ENOX1: variants seen among roughly 807,000 people sequenced by gnomAD.
ENOX1 encodes candidate growth-related and time keeping constitutive hydroquinone (NADH) oxidase.
ENOX1 carries 42 observed loss-of-function variants against 82.5 expected under a neutral mutation model. The observed-to-expected ratio is 0.51, with a 90% CI of 0.40 to 0.66. ENOX1 has a LOEUF of 0.66. ENOX1 is among the 30% of genes least tolerant of loss of function. The probability of loss-of-function intolerance (pLI) is 0.00; values close to 1 mark genes in which losing one functional copy is unlikely to be tolerated. For missense variants in ENOX1, 608 were observed against 811.6 expected, an observed-to-expected ratio of 0.75 and a Z score of 3.05; for synonymous variants, 271 against 282.2, an observed-to-expected ratio of 0.96 and a Z score of 0.40.
chr13:43,414,038 A>T (rs545220468), intron 3 of ENOX1, among the ~76,000 whole-genome samples: 1 of 152,282 alleles, frequency 6.6e-6, no homozygotes, highest in Non-Finnish European at 1.5e-5. Context: ...ATGATTTTAG[A>T]ATTAGATCTT....
chr13:43,347,112 T>C (rs1229120404), intron 8 of ENOX1, among the ~76,000 whole-genome samples: 1 of 152,118 alleles, frequency 6.6e-6, no homozygotes, highest in Non-Finnish European at 1.5e-5. Context: ...CTAACTTTAC[T>C]ATCAGGAAAA....
chr13:43,535,863 G>A (rs1305241322), intron 2 of ENOX1, among the ~76,000 whole-genome samples: 1 of 152,106 alleles, frequency 6.6e-6, no homozygotes, highest in Admixed American at 6.5e-5. Flanking sequence ...TTCTGTGCAG[G>A]AAAGTTTTAA....
chr13:43,317,038 G>A (rs1206222591), intron 11 of ENOX1, among the ~76,000 whole-genome samples: 1 of 152,186 alleles, frequency 6.6e-6, no homozygotes, highest in Non-Finnish European at 1.5e-5. Flanking sequence ...GGTGCCCTCG[G>A]CTGTCATTAC....
At chr13:43,402,522 A>G (rs545850938) in intron 5 of ENOX1, among the ~76,000 whole-genome samples, 1 of 152,376 alleles carries the variant, frequency 6.6e-6, no homozygotes, top group South Asian at 2.1e-4. Flanking sequence ...GAAGAAGTCC[A>G]GCACAGTCTG....
intron 1 of ENOX1, among the ~76,000 whole-genome samples, chr13:43,761,810 A>C (rs1199717587): frequency 6.6e-6 from 1 of 152,206 alleles, no homozygotes; most frequent in Admixed American, 6.5e-5. Context: ...ACAGGAAAGG[A>C]ATTGGAAAGA....
chr13:43,371,384 A>G (rs937451631), intron 5 of ENOX1, among the ~76,000 whole-genome samples: 1 of 152,242 alleles, frequency 6.6e-6, no homozygotes, highest in African/African-American at 2.4e-5. Flanking sequence ...TCTTTCTGGC[A>G]TTCAATGCCT....
chr13:43,630,915 G>A (rs931546162), intron 2 of ENOX1, among the ~76,000 whole-genome samples: 17 of 137,876 alleles, frequency 1.2e-4, no homozygotes, highest in African/African-American at 3.0e-4. Context: ...ATACGTGTGC[G>A]TATATGTGTG....
Position 43,762,203 on chromosome 13 carries a change from C to T in ENOX1, c.-285+24449G>A, listed in dbSNP as rs116824135. On this transcript the variant is annotated intron_variant, in intron 1 of 16. Coordinates refer to ENST00000690772, the MANE Select transcript of ENOX1 (RefSeq NM_001347969.2). ...TCATTACCCAGGTCGGTCTGGAGCT[C>T]TAGGATGAATGTAAACTACAGATGT... 5.8e-3 allele frequency among the ~76,000 whole-genome samples: 886 copies of T among 152,282 alleles called. 4 individuals carry two copies. Among genetic ancestry groups the T allele is most frequent in the African/African-American group, 0.02 (843 of 41,560 alleles).
intron 3 of ENOX1, among the ~76,000 whole-genome samples, chr13:43,467,356 T>C (rs1291991669): frequency 6.6e-6 from 1 of 152,202 alleles, no homozygotes; most frequent in Non-Finnish European, 1.5e-5. Flanking sequence ...TAGACTATAG[T>C]AATTCGACAG....
chr13:43,598,804 A>AT lies in ENOX1; in HGVS notation c.-219+68674_-219+68675insA, dbSNP rs1473672140. ...AAAAACACGTTGTTTAGAAAGTAAA[A>AT]ATTTTTTTTAGGATCCAAGGAGCAG... On this transcript the variant is annotated intron_variant, in intron 2 of 16. Transcript: ENST00000690772. Among the ~76,000 whole-genome samples the AT allele has an allele frequency of 2.4e-3, 22 of 9,112 alleles. No individual in the cohort carries two copies. In the East Asian group the frequency reaches 0.14, roughly 59 times the overall value. 6.0% of individuals were successfully genotyped at this position (9,112 alleles called of 152,430 possible).
intron 2 of ENOX1, among the ~76,000 whole-genome samples, chr13:43,591,501 T>C (rs1167239992): frequency 6.6e-6 from 1 of 151,882 alleles, no homozygotes; most frequent in Non-Finnish European, 1.5e-5. Context: ...GGAGGTTTGG[T>C]GGGAGAGAGA....
intron 2 of ENOX1, among the ~76,000 whole-genome samples, chr13:43,524,614 T>C (rs2077912047): frequency 6.6e-6 from 1 of 152,062 alleles, no homozygotes; most frequent in South Asian, 2.1e-4. Flanking sequence ...TGTCCTCCAA[T>C]ACACCAAGCA....
chr13:43,251,605 C>G (rs1446457854), intron 14 of ENOX1, among the ~76,000 whole-genome samples: 1 of 152,098 alleles, frequency 6.6e-6, no homozygotes, highest in African/African-American at 2.4e-5. Context: ...TTGGACTGAT[C>G]TTAGGGTAAG....
At chr13:43,346,012 A>T (rs550747612) in intron 8 of ENOX1, among the ~76,000 whole-genome samples, 1 of 152,334 alleles carries the variant, frequency 6.6e-6, no homozygotes, top group East Asian at 1.9e-4. Flanking sequence ...ATGCTTGAGA[A>T]AAAGATTTCG....
intron 2 of ENOX1, among the ~76,000 whole-genome samples, chr13:43,497,716 C>G (rs2076841529): frequency 6.6e-6 from 1 of 152,022 alleles, no homozygotes. Context: ...ATGTCCTTAT[C>G]AGGACTTGGT....
intron 2 of ENOX1, among the ~76,000 whole-genome samples, chr13:43,518,167 C>T (rs2077627016): frequency 2.0e-5 from 3 of 152,092 alleles, no homozygotes; most frequent in Non-Finnish European, 4.4e-5. Context: ...AAGAATTTAT[C>T]AACCATATTA....
At chr13:43,488,162 G>A (rs1185023552) in intron 2 of ENOX1, among the ~76,000 whole-genome samples, 1 of 152,154 alleles carries the variant, frequency 6.6e-6, no homozygotes, top group African/African-American at 2.4e-5. Context: ...AGAGTTCTAT[G>A]GTTGAAATGT....
At chr13:43,713,266 C>T (rs2087864885) in intron 1 of ENOX1, among the ~76,000 whole-genome samples, 2 of 152,224 alleles carry the variant, frequency 1.3e-5, no homozygotes, top group South Asian at 4.1e-4. Context: ...ATGAAGCCCA[C>T]TTGATCATGG....
intron 16 of ENOX1, among the ~76,000 whole-genome samples, chr13:43,222,066 T>G (rs2041818594): frequency 6.6e-6 from 1 of 151,982 alleles, no homozygotes; most frequent in African/African-American, 2.4e-5. Flanking sequence ...TATCTGGGAG[T>G]AGGCAGGGGA....
Sources: allele counts gnomAD v4.1 joint callset (sites outside exome capture counted in the v4.1 genomes callset), GRCh38; gene constraint gnomAD v4.1.1; transcripts MANE v1.5; gene names NCBI Gene and HGNC (gene_info 2026-07-23, HGNC 2026-07-21).